Variants in RUNX1 observed in about 807,000 individuals in gnomAD.
The protein encoded by RUNX1 is RUNX family transcription factor 1.
A neutral mutation model predicts 42.8 loss-of-function variants in RUNX1; 19 were observed. That is an observed-to-expected ratio of 0.44 (90% CI 0.31 to 0.65). The LOEUF (loss-of-function observed/expected upper bound fraction) is 0.65. Among genes scored for constraint, RUNX1 ranks in the 30% least tolerant of loss-of-function variants. The probability of loss-of-function intolerance (pLI) is 0.07; values close to 1 mark genes in which losing one functional copy is unlikely to be tolerated. For synonymous variants in RUNX1, 271 were observed against 289.4 expected (o/e 0.94, Z 0.64); for missense variants, 528 against 672.0 (o/e 0.79, Z 2.37).
intron 2 of RUNX1, among the ~76,000 whole-genome samples, chr21:34,930,315 A>G (rs1379223212): frequency 1.4e-5 from 2 of 144,066 alleles, no homozygotes; most frequent in African/African-American, 5.4e-5. Flanking sequence ...AAATTTTACA[A>G]CTAACATTAG....
intron 5 of RUNX1, among the ~76,000 whole-genome samples, chr21:34,874,725 T>C (rs1175723375): frequency 6.6e-6 from 1 of 151,774 alleles, no homozygotes; most frequent in African/African-American, 2.4e-5. Context: ...TGTTCTTCTT[T>C]AGCCAACCTT....
chr21:34,884,238 T>TA (rs1430327306), intron 4 of RUNX1, among the ~76,000 whole-genome samples: 1 of 152,176 alleles, frequency 6.6e-6, no homozygotes, highest in East Asian at 1.9e-4. Flanking sequence ...GGAGAACAGG[T>TA]TGGGGCTCAA....
intron 2 of RUNX1, among the ~76,000 whole-genome samples, chr21:34,953,127 CT>C (rs66463322): frequency 0.13 from 18,312 of 145,182 alleles, 1,330 homozygotes; most frequent in African/African-American, 0.2. Context: ...GTTTTGGGGA[CT>C]TTTTTTTTTT....
Position 34,790,705 on chromosome 21 carries a change from G to T in RUNX1, c.*1430C>A, listed in dbSNP as rs886057043. ...TTGAGTGAGCAGCACAGGACAGGGG[G>T]TCTCGCACAGGTGGGACCATGTTTT... On this transcript the variant is annotated 3_prime_UTR_variant, in exon 9 of 9. Transcript: ENST00000675419. 86 of 233,206 alleles carry T rather than the reference G, an allele frequency of 3.7e-4. No homozygotes were observed. Among genetic ancestry groups the T allele is most frequent in the Non-Finnish European group, 8.5e-5 (10 of 118,088 alleles). The allele number at this position is 233,206 out of a possible 1,614,324, so 14.4% of individuals were successfully genotyped here.
At chr21:34,971,661 T>A (rs2058764554) in intron 2 of RUNX1, among the ~76,000 whole-genome samples, 1 of 151,902 alleles carries the variant, frequency 6.6e-6, no homozygotes, top group African/African-American at 2.4e-5. Context: ...TTCACTGAAG[T>A]GAAGGAGGGA....
chr21:35,043,968 C>T (rs1366419263), intron 2 of RUNX1, among the ~76,000 whole-genome samples: 3 of 152,230 alleles, frequency 2.0e-5, no homozygotes, highest in African/African-American at 7.2e-5. Context: ...GCTACACCAG[C>T]AGTCTCAATG....
chr21:35,010,752 C>T (rs746775642), intron 2 of RUNX1, among the ~76,000 whole-genome samples: 7 of 152,130 alleles, frequency 4.6e-5, no homozygotes, highest in Non-Finnish European at 7.4e-5. Context: ...TACATAAACA[C>T]ACTCGTTGAG....
At chr21:34,967,350 A>AG (rs2058728229) in intron 2 of RUNX1, among the ~76,000 whole-genome samples, 2 of 143,072 alleles carry the variant, frequency 1.4e-5, no homozygotes, top group African/African-American at 2.6e-5. Context: ...AAAAAAAAAA[A>AG]AAGAAGAATA....
chr21:34,974,266 C>T (rs1304830601), intron 2 of RUNX1, among the ~76,000 whole-genome samples: 1 of 152,086 alleles, frequency 6.6e-6, no homozygotes, highest in Non-Finnish European at 1.5e-5. Context: ...CCAGTCACCT[C>T]CACACAGGCT....
chr21:34,806,892 CAA>C (rs894209595), intron 7 of RUNX1, among the ~76,000 whole-genome samples: 22 of 151,962 alleles, frequency 1.4e-4, no homozygotes, highest in African/African-American at 5.1e-4. Flanking sequence ...TAAAAAGTCT[CAA>C]GAGAAATTAA....
rs557245407 is a variant in RUNX1 at position 35,036,274 on chromosome 21, TTTATTATA to T, written c.58+12560_58+12567del. On this transcript the variant is annotated intron_variant, in intron 2 of 8. Coordinates refer to ENST00000675419, the MANE Select transcript of RUNX1 (RefSeq NM_001754.5). ...TTCCTTTCCTAAGGAGCTTTATGATTTTATTATATTATTATTGTTTATTGTGGAGAATA... is the reference window on the plus strand; with the variant it reads ...TTCCTTTCCTAAGGAGCTTTATGATTTTATTATTGTTTATTGTGGAGAATA... Among the ~76,000 whole-genome samples, 282 of 152,310 alleles carry T rather than the reference TTTATTATA, an allele frequency of 1.9e-3. No homozygotes were observed. The Middle Eastern group carries it at 0.034, about 18-fold the overall frequency.
chr21:34,817,424 T>C (rs1317327040), intron 7 of RUNX1, among the ~76,000 whole-genome samples: 3 of 152,212 alleles, frequency 2.0e-5, no homozygotes, highest in Admixed American at 6.5e-5. Context: ...ATATGGATTT[T>C]CCCTGTTGTG....
rs180980077 is a variant in RUNX1 at position 34,850,414 on chromosome 21, G to A, written c.613+9060C>T. On this transcript the variant is annotated intron_variant, in intron 6 of 8. Coordinates refer to ENST00000675419, the MANE Select transcript of RUNX1 (RefSeq NM_001754.5). Reference sequence around the variant, plus strand: ...TTATGTGCTTGCAAAGCTTGGCTGCGGGGAGAGATCCCAGGCACGCTTGGG... The same window carrying A: ...TTATGTGCTTGCAAAGCTTGGCTGCAGGGAGAGATCCCAGGCACGCTTGGG... Among the ~76,000 whole-genome samples the A allele has an allele frequency of 5.4e-4, 82 of 152,280 alleles. No individual in the cohort carries two copies. In the Middle Eastern group the frequency reaches 0.01, roughly 19 times the overall value.
intron 3 of RUNX1, chr21:34,889,774 C>G (rs368651521): frequency 8.7e-7 from 1 of 1,148,278 alleles, no homozygotes; most frequent in Non-Finnish European, 1.1e-6. Flanking sequence ...CCCGGTCCGG[C>G]GTGCGCTGCC....
chr21:35,011,400 G>A (rs2059125765), intron 2 of RUNX1, among the ~76,000 whole-genome samples: 1 of 152,150 alleles, frequency 6.6e-6, no homozygotes, highest in South Asian at 2.1e-4. Context: ...CATAAGAGTT[G>A]TCACTTGGGA....
chr21:34,994,660 A>G (rs2146847558), intron 2 of RUNX1, among the ~76,000 whole-genome samples: 1 of 152,228 alleles, frequency 6.6e-6, no homozygotes, highest in African/African-American at 2.4e-5. Flanking sequence ...GGTACTACGT[A>G]CCCGTAAAAA....
chr21:34,920,122 A>G (rs867366512), intron 2 of RUNX1, among the ~76,000 whole-genome samples: 17 of 152,342 alleles, frequency 1.1e-4, no homozygotes, highest in Middle Eastern at 6.8e-3. Flanking sequence ...AGTACTCTTC[A>G]TATTTAGAAA....
At chr21:34,985,205 G>A (rs553627142) in intron 2 of RUNX1, among the ~76,000 whole-genome samples, 2 of 152,332 alleles carry the variant, frequency 1.3e-5, no homozygotes, top group South Asian at 4.1e-4. Flanking sequence ...ATATTAGATT[G>A]ATGGGTCCTT....
At chr21:34,999,052 G>C (rs1440599198) in intron 2 of RUNX1, among the ~76,000 whole-genome samples, 4 of 152,206 alleles carry the variant, frequency 2.6e-5, no homozygotes, top group African/African-American at 4.8e-5. Flanking sequence ...AGGTGAAATA[G>C]GTGAGTTGTG....
Sources: gnomAD v4.1 joint callset for allele counts (sites outside exome capture counted in the v4.1 genomes callset) on GRCh38, gnomAD v4.1.1 for gene constraint, MANE v1.5 for transcripts, NCBI Gene and HGNC (gene_info 2026-07-23, HGNC 2026-07-21) for gene names.